DNAH17: variants seen among roughly 807,000 people sequenced by gnomAD.
DNAH17 encodes axonemal beta dynein heavy chain 17.
Under a neutral mutation model 485.6 loss-of-function variants are expected in DNAH17, and 376 were observed. The ratio of observed to expected loss-of-function variants is 0.77; its 90% confidence interval spans 0.71 to 0.84. The LOEUF (loss-of-function observed/expected upper bound fraction) is 0.84, where lower values mean the gene tolerates loss of function less well. Among genes scored for constraint, DNAH17 ranks in the 40% least tolerant of loss-of-function variants. The pLI is 0.00. For missense variants in DNAH17, 6,370 were observed against 5,839.3 expected (o/e 1.09, Z -2.96); for synonymous variants, 3,031 against 2,405.9 (o/e 1.26, Z -7.60).
Position 78,495,819 on chromosome 17 carries a change from G to A in DNAH17, c.5903+56C>T, listed in dbSNP as rs547880797. On this transcript the variant is annotated intron_variant, in intron 38 of 80. Coordinates refer to ENST00000389840, the MANE Select transcript of DNAH17 (RefSeq NM_173628.4). ...TCTGCCCACTCCTTGGCACTGGGAC[G>A]TTGCTGTGGCCGGCCTGGCTCACTG... The A allele has an allele frequency of 4.0e-5, 63 of 1,575,114 alleles. 1 individual carries two copies. The African/African-American group carries it at 5.2e-4, about 13-fold the overall frequency.
chr17:78,560,916 C>T lies in DNAH17; in HGVS notation c.1855G>A (p.Ala619Thr), dbSNP rs1385472775. The change falls in exon 13 of 81, where the codon GCC (alanine) becomes ACC (threonine). Residue 619 changes from alanine (A) to threonine (T), a missense_variant. Ala to Thr is a moderately conservative substitution (Grantham distance 58). Coordinates refer to ENST00000389840, the MANE Select transcript of DNAH17 (RefSeq NM_173628.4). Reference sequence around the variant, plus strand: ...TCATACTTCTGATAGGTCAGCTTGGCCTCTGCTCCAGACATGACCCTGGAA... The same window carrying T: ...TCATACTTCTGATAGGTCAGCTTGGTCTCTGCTCCAGACATGACCCTGGAA... ...VEHPVMSGAE[A>T]KLTYQKYDEM... The T allele has an allele frequency of 6.5e-7, 1 of 1,550,216 alleles. No individual in the cohort carries two copies. Among genetic ancestry groups the T allele is most frequent in the Non-Finnish European group, 8.7e-7 (1 of 1,147,052 alleles).
intron 51 of DNAH17, among the ~76,000 whole-genome samples, chr17:78,477,584 G>A (rs748655052): frequency 2.0e-5 from 3 of 152,038 alleles, no homozygotes; most frequent in Admixed American, 6.6e-5. Context: ...TCACCATGTT[G>A]GCCAGGCTGG....
At chr17:78,445,790 C>T (rs1598460824) in intron 69 of DNAH17, 110 bp from the exon 70 acceptor site, 31 of 1,253,950 alleles carry the variant, frequency 2.5e-5, no homozygotes, top group Non-Finnish European at 3.1e-5. Flanking sequence ...CTGCAGGGGG[C>T]GCCCTGTCCT....
At chr17:78,514,688 C>CT (rs2090733250) in intron 26 of DNAH17, 86 bp downstream of exon 26, 2 of 1,512,612 alleles carry the variant, frequency 1.3e-6, no homozygotes, top group Non-Finnish European at 1.8e-6. Context: ...CCCTGAACAC[C>CT]TTGGCTAGGC....
chr17:78,564,307 T>C (rs1217324590), intron 11 of DNAH17, among the ~76,000 whole-genome samples: 1 of 152,192 alleles, frequency 6.6e-6, no homozygotes, highest in Non-Finnish European at 1.5e-5. Context: ...AATCTCCATG[T>C]TGGGGACAGC....
chr17:78,467,851 C>G (rs577278266), intron 55 of DNAH17, among the ~76,000 whole-genome samples: 1 of 152,188 alleles, frequency 6.6e-6, no homozygotes, highest in East Asian at 1.9e-4. Flanking sequence ...AATGCTGTCT[C>G]TACTAAAAAT....
intron 42 of DNAH17, 83 bp downstream of exon 42, chr17:78,492,550 T>G: frequency 6.4e-7 from 1 of 1,559,204 alleles, no homozygotes; most frequent in Admixed American, 1.8e-5. Flanking sequence ...AGGCTGGCCT[T>G]CCACGTGGGA....
intron 26 of DNAH17, among the ~76,000 whole-genome samples, chr17:78,513,405 A>C (rs2090689428): frequency 6.6e-6 from 1 of 152,226 alleles, no homozygotes. Context: ...GGAAATCTGC[A>C]TTCTGTAGAG....
intron 51 of DNAH17, among the ~76,000 whole-genome samples, chr17:78,478,431 CCAT>C (rs879488987): frequency 1.4e-3 from 202 of 142,710 alleles, no homozygotes; most frequent in Non-Finnish European, 2.5e-3. Flanking sequence ...ATCATCACCA[CCAT>C]CATTACCAAC....
chr17:78,549,274 C>G (rs2091847134), intron 16 of DNAH17, among the ~76,000 whole-genome samples: 2 of 151,218 alleles, frequency 1.3e-5, no homozygotes, highest in Non-Finnish European at 1.5e-5. Context: ...GAAAGAGACA[C>G]CAGAGCAACC....
At chr17:78,458,157 C>T (rs1040596267) in intron 62 of DNAH17, among the ~76,000 whole-genome samples, 18 of 152,230 alleles carry the variant, frequency 1.2e-4, no homozygotes, top group African/African-American at 4.1e-4. Flanking sequence ...GACACATCCA[C>T]ATCTGGCACC....
intron 25 of DNAH17, among the ~76,000 whole-genome samples, chr17:78,515,955 T>C (rs1312959475): frequency 2.6e-5 from 4 of 152,130 alleles, no homozygotes; most frequent in Non-Finnish European, 2.9e-5. Context: ...TACCCAGGAA[T>C]AACCCCACCA....
intron 64 of DNAH17, 142 bp downstream of exon 64, chr17:78,454,328 G>A: frequency 1.6e-6 from 1 of 638,226 alleles, no homozygotes; most frequent in South Asian, 1.9e-5. Context: ...TACTACTGCT[G>A]CTGTTCCCCA....
chr17:78,485,071 C>G (rs1026889724), intron 47 of DNAH17, 38 bp from the exon 48 acceptor site: 20 of 1,564,146 alleles, frequency 1.3e-5, no homozygotes, highest in Non-Finnish European at 1.6e-5. Context: ...GCCTGCGCCT[C>G]CTGAGCCAGA....
intron 74 of DNAH17, among the ~76,000 whole-genome samples, chr17:78,435,263 G>T (rs190312341): frequency 6.6e-6 from 1 of 152,112 alleles, no homozygotes; most frequent in Admixed American, 6.5e-5. Flanking sequence ...GGGTGTCACC[G>T]TCCATCCATC....
chr17:78,482,592 T>C (rs2089400916), intron 48 of DNAH17, among the ~76,000 whole-genome samples: 1 of 152,198 alleles, frequency 6.6e-6, no homozygotes, highest in Non-Finnish European at 1.5e-5. Context: ...AGTCCTCTCC[T>C]GTGCACACTT....
At chr17:78,431,706 G>T (rs2086682050) in intron 75 of DNAH17, among the ~76,000 whole-genome samples, 1 of 152,126 alleles carries the variant, frequency 6.6e-6, no homozygotes, top group Non-Finnish European at 1.5e-5. Context: ...GGAGTCTGTG[G>T]AGGGGGAGGG....
intron 37 of DNAH17, among the ~76,000 whole-genome samples, chr17:78,496,373 A>G (rs1198619231): frequency 6.6e-6 from 1 of 151,556 alleles, no homozygotes. Flanking sequence ...GAAGAAAAAA[A>G]AATACAAAGG....
In DNAH17 at chr17:78,480,714, G is replaced by T. The variant is rs765728191; in HGVS notation, c.7722C>A (p.Ser2574=). ...GCCTGGAGTCGATGGTGAAGGATCC[G>T]GAAGTGGGGTTCATGCAGGCCACGT... The part of the protein sequence containing the change: ...CQYVACMNPT[S]GSFTIDSRLQ... The change falls in exon 49 of 81, where the codon TCC becomes TCA. Residue 2574 remains serine, a synonymous_variant. Transcript: ENST00000389840. 1 of 1,613,578 alleles carries T rather than the reference G, an allele frequency of 6.2e-7. No individual in the cohort carries two copies. The highest frequency in any genetic ancestry group is 1.1e-5 in the South Asian group (1 of 91,036).
Sources: allele counts gnomAD v4.1 joint callset (sites outside exome capture counted in the v4.1 genomes callset), GRCh38; gene constraint gnomAD v4.1.1; transcripts MANE v1.5; gene names NCBI Gene and HGNC (gene_info 2026-07-23, HGNC 2026-07-21).